EYS: variants seen among roughly 807,000 people sequenced by gnomAD.
EYS encodes EGF-like photoreceptor maintenance factor.
A neutral mutation model predicts 282.1 loss-of-function variants in EYS; 250 were observed. The observed-to-expected ratio is 0.89, with a 90% confidence interval of 0.80 to 0.98. The LOEUF (loss-of-function observed/expected upper bound fraction) is 0.98, where lower values mean the gene tolerates loss of function less well. Ranked by LOEUF, EYS falls within the 50% of genes least tolerant of loss-of-function variation. The probability of loss-of-function intolerance (pLI) is 0.00; values close to 1 mark genes in which losing one functional copy is unlikely to be tolerated. For synonymous variants in EYS, 1,355 were observed against 1,282.9 expected (o/e 1.06, Z -1.20); for missense variants, 4,016 against 3,709.0 (o/e 1.08, Z -2.15).
chr6:64,220,053 G>A (rs556533536), intron 31 of EYS, among the ~76,000 whole-genome samples: 29 of 152,176 alleles, frequency 1.9e-4, no homozygotes, highest in Non-Finnish European at 3.5e-4. Context: ...GAGGGAGAGG[G>A]ATAGCATTAG....
Position 65,599,611 on chromosome 6 carries a change from T to A in EYS, c.-333+40167A>T, listed in dbSNP as rs529712560. On this transcript the variant is annotated intron_variant, in intron 2 of 42. Coordinates refer to ENST00000503581, the MANE Select transcript of EYS (RefSeq NM_001142800.2). ...GATGTTCAGAAAAATATAAATTTTA[T>A]GTTTCTATTAAATTTAGAAGATTCT... 4.7e-4 allele frequency among the ~76,000 whole-genome samples: 72 copies of A among 152,242 alleles called. 1 individual carries two copies. In the South Asian group the frequency reaches 0.015, roughly 32 times the overall value.
intron 14 of EYS, among the ~76,000 whole-genome samples, chr6:64,950,906 G>A (rs1196420137): frequency 2.7e-5 from 4 of 146,310 alleles, no homozygotes; most frequent in Non-Finnish European, 6.0e-5. Context: ...AGCAAGCAAA[G>A]TTAAGACTAC....
intron 29 of EYS, among the ~76,000 whole-genome samples, chr6:64,388,203 C>G (rs978001669): frequency 6.6e-6 from 1 of 152,054 alleles, no homozygotes; most frequent in African/African-American, 2.4e-5. Context: ...AGCTAATTAT[C>G]TAAATGGAAA....
At chr6:65,325,016 A>G (rs1015937168) in intron 11 of EYS, among the ~76,000 whole-genome samples, 2 of 152,206 alleles carry the variant, frequency 1.3e-5, no homozygotes, top group African/African-American at 4.8e-5. Context: ...TTCGGCAGAC[A>G]TGCCCCTATA....
chr6:65,180,746 CAAGTCAATCCT>C (rs1765358172), intron 12 of EYS, among the ~76,000 whole-genome samples: 1 of 152,066 alleles, frequency 6.6e-6, no homozygotes, highest in South Asian at 2.1e-4. Context: ...CCTGCATTGC[CAAGTCAATCCT>C]AAGCCAAAAG....
chr6:65,604,055 G>GA (rs367929168), intron 2 of EYS, among the ~76,000 whole-genome samples: 274 of 151,796 alleles, frequency 1.8e-3, no homozygotes, highest in African/African-American at 5.9e-3. Context: ...AATAGATGCG[G>GA]AAAAAATAGG....
chr6:64,204,147 T>G (rs896631161), intron 31 of EYS, among the ~76,000 whole-genome samples: 33 of 152,178 alleles, frequency 2.2e-4, no homozygotes, highest in Non-Finnish European at 4.3e-4. Context: ...GGAGAATAAT[T>G]TATTTCTGTC....
chr6:64,176,295 T>C (rs916887628), intron 31 of EYS, among the ~76,000 whole-genome samples: 4 of 152,072 alleles, frequency 2.6e-5, no homozygotes, highest in Admixed American at 6.6e-5. Flanking sequence ...ATACAAATTA[T>C]ATATATTGGA....
intron 12 of EYS, among the ~76,000 whole-genome samples, chr6:65,147,171 C>T (rs1272605004): frequency 6.6e-6 from 1 of 151,876 alleles, no homozygotes; most frequent in African/African-American, 2.4e-5. Flanking sequence ...ATGAGCATAT[C>T]TAATTATTTT....
At chr6:65,617,850 G>C (rs184638878) in intron 2 of EYS, among the ~76,000 whole-genome samples, 1 of 151,770 alleles carries the variant, frequency 6.6e-6, no homozygotes, top group South Asian at 2.1e-4. Context: ...ATGATTTCCA[G>C]CTTCATCCAT....
At chr6:65,113,463 A>C (rs2882433) in intron 12 of EYS, among the ~76,000 whole-genome samples, 39,709 of 151,776 alleles carry the variant, frequency 0.26, 6,361 homozygotes, top group African/African-American at 0.45. Flanking sequence ...CTTTTGACCA[A>C]TTTTGAGGCA....
chr6:63,740,820 C>A (rs974675651), intron 41 of EYS, among the ~76,000 whole-genome samples: 16 of 152,146 alleles, frequency 1.1e-4, no homozygotes, highest in African/African-American at 2.4e-5. Context: ...AGAGAAGCCA[C>A]AAATAGGACT....
At chr6:64,224,137 C>T (rs1239739005) in intron 31 of EYS, among the ~76,000 whole-genome samples, 1 of 151,968 alleles carries the variant, frequency 6.6e-6, no homozygotes, top group Non-Finnish European at 1.5e-5. Context: ...AGGACATAAG[C>T]CTTATCCAGT....
chr6:63,762,527 T>C lies in EYS; in HGVS notation c.8005A>G (p.Ile2669Val), dbSNP rs1366267032. ...CAGGTGTATCCATGAGGTAATGAAA[T>C]GCAGGTTGCTCCTCTGCTACAGTGG... ...PHHCSRGATC[I>V]SLPHGYTCFC... is the part of the protein sequence containing the mutation. Residue 2669 changes from isoleucine (I) to valine (V), a missense_variant, in exon 41 of 43, where the codon ATT (isoleucine) becomes GTT (valine). By Grantham distance (29) the Ile-to-Val change is conservative. Coordinates refer to ENST00000503581, the MANE Select transcript of EYS (RefSeq NM_001142800.2). 5 of 1,550,442 alleles carry C rather than the reference T, an allele frequency of 3.2e-6. No individual in the cohort carries two copies. The highest frequency in any genetic ancestry group is 2.0e-5 in the Admixed American group (1 of 50,956).
At chr6:64,197,548 G>C (rs1295934169) in intron 31 of EYS, among the ~76,000 whole-genome samples, 2 of 152,032 alleles carry the variant, frequency 1.3e-5, no homozygotes, top group African/African-American at 4.8e-5. Context: ...TTGTTTCCTA[G>C]TTCATCAAAA....
chr6:64,697,935 C>T (rs1328579803), intron 22 of EYS, among the ~76,000 whole-genome samples: 7 of 151,584 alleles, frequency 4.6e-5, no homozygotes, highest in East Asian at 1.9e-4. Context: ...AACAAGACTC[C>T]GTCTCAAAAC....
At chr6:64,604,216 T>A (rs994221452) in intron 24 of EYS, among the ~76,000 whole-genome samples, 10 of 152,014 alleles carry the variant, frequency 6.6e-5, no homozygotes, top group African/African-American at 2.4e-4. Context: ...ATCCACAATA[T>A]CCTGTCATGA....
intron 1 of EYS, among the ~76,000 whole-genome samples, chr6:65,695,482 C>A (rs1769413581): frequency 6.6e-6 from 1 of 151,938 alleles, no homozygotes; most frequent in African/African-American, 2.4e-5. Context: ...CCAATGTAAT[C>A]TTTTGATTTT....
intron 1 of EYS, among the ~76,000 whole-genome samples, chr6:65,673,045 G>C (rs34593063): frequency 0.15 from 22,119 of 152,070 alleles, 1,803 homozygotes; most frequent in South Asian, 0.29. Context: ...GCAGGAACCA[G>C]CCACTTTCAC....
Sources: allele counts gnomAD v4.1 joint callset (sites outside exome capture counted in the v4.1 genomes callset), GRCh38; gene constraint gnomAD v4.1.1; transcripts MANE v1.5; gene names NCBI Gene and HGNC (gene_info 2026-07-23, HGNC 2026-07-21).